HEMK2: variants seen among roughly 807,000 people sequenced by gnomAD.
The protein encoded by HEMK2 is methyltransferase HEMK2.
chr21:28,738,050 A>G, the HEMK2 span, among the ~76,000 whole-genome samples: 34,656 of 152,006 alleles, frequency 0.23, 4,549 homozygotes, highest in African/African-American at 0.35. Flanking sequence ...TTCTTCCAAC[A>G]ACAGTTAGAT....
chr21:28,808,022 C>T, the HEMK2 span, among the ~76,000 whole-genome samples: 3 of 151,994 alleles, frequency 2.0e-5, no homozygotes, highest in South Asian at 6.2e-4. Context: ...TTGAGAGAAA[C>T]AGAGAGCTAG....
chr21:28,632,818 T>C, the HEMK2 span, among the ~76,000 whole-genome samples: 1 of 152,210 alleles, frequency 6.6e-6, no homozygotes, highest in African/African-American at 2.4e-5. Context: ...AAGTGATTTC[T>C]TGGCAGCAAA....
chr21:28,711,631 T>C, the HEMK2 span, among the ~76,000 whole-genome samples: 10 of 152,182 alleles, frequency 6.6e-5, no homozygotes, highest in Non-Finnish European at 1.2e-4. Context: ...AGTCTGTCTG[T>C]GATATAAACT....
chr21:28,788,414 T>A, the HEMK2 span, among the ~76,000 whole-genome samples: 1 of 151,838 alleles, frequency 6.6e-6, no homozygotes, highest in Non-Finnish European at 1.5e-5. Flanking sequence ...CTAAGTGAAG[T>A]AACTCAGGAA....
the HEMK2 span, among the ~76,000 whole-genome samples, chr21:28,826,899 T>C: frequency 6.6e-6 from 1 of 152,184 alleles, no homozygotes; most frequent in Non-Finnish European, 1.5e-5. Flanking sequence ...GCAAGTACCC[T>C]ATGTCCTTCT....
the HEMK2 span, among the ~76,000 whole-genome samples, chr21:28,764,306 G>A: frequency 2.0e-5 from 3 of 152,174 alleles, no homozygotes; most frequent in African/African-American, 7.2e-5. Context: ...TATTTGCTAT[G>A]TGGAAAAGAG....
At chr21:28,756,884 A>T in the HEMK2 span, among the ~76,000 whole-genome samples, 2 of 152,340 alleles carry the variant, frequency 1.3e-5, no homozygotes, top group African/African-American at 4.8e-5. Context: ...TTTCTCAAGA[A>T]GGGTGTCTAA....
At chr21:28,603,309 T>C in the HEMK2 span, among the ~76,000 whole-genome samples, 159 of 152,304 alleles carry the variant, frequency 1.0e-3, no homozygotes, top group South Asian at 2.7e-3. Context: ...ACCCTCTTAG[T>C]CTCATTTTCA....
the HEMK2 span, among the ~76,000 whole-genome samples, chr21:28,816,798 C>T: frequency 3.3e-5 from 5 of 152,162 alleles, no homozygotes; most frequent in African/African-American, 9.7e-5. Context: ...GAAGAAAGCA[C>T]GAAGGAAGAG....
At chr21:28,774,948 C>T in the HEMK2 span, among the ~76,000 whole-genome samples, 1 of 151,986 alleles carries the variant, frequency 6.6e-6, no homozygotes, top group South Asian at 2.1e-4. Flanking sequence ...ATGAGGAAAA[C>T]CTGGCAGAAA....
At chr21:28,750,506 C>G in the HEMK2 span, among the ~76,000 whole-genome samples, 1 of 151,914 alleles carries the variant, frequency 6.6e-6, no homozygotes, top group African/African-American at 2.4e-5. Flanking sequence ...CGAGAACAGC[C>G]TGGCCAACAT....
At chr21:28,623,032 T>C in the HEMK2 span, among the ~76,000 whole-genome samples, 2 of 152,034 alleles carry the variant, frequency 1.3e-5, no homozygotes, top group African/African-American at 4.8e-5. Flanking sequence ...GAAACTATCA[T>C]CAGAGTGAAG....
chr21:28,599,305 G>A, the HEMK2 span, among the ~76,000 whole-genome samples: 1 of 152,210 alleles, frequency 6.6e-6, no homozygotes, highest in Non-Finnish European at 1.5e-5. Context: ...TGGATTCACA[G>A]TTCCATATGG....
the HEMK2 span, among the ~76,000 whole-genome samples, chr21:28,755,656 C>T: frequency 1.2e-4 from 19 of 152,184 alleles, no homozygotes; most frequent in Admixed American, 5.2e-4. Flanking sequence ...CAAGTTATGA[C>T]ACTACCAGAT....
the HEMK2 span, among the ~76,000 whole-genome samples, chr21:28,831,523 G>T: frequency 1.9e-5 from 1 of 51,740 alleles, no homozygotes; most frequent in African/African-American, 1.2e-4. Flanking sequence ...AAGAAAGAAA[G>T]AAGGAAAGAA....
chr21:28,758,877 A>T, the HEMK2 span, among the ~76,000 whole-genome samples: 1 of 152,200 alleles, frequency 6.6e-6, no homozygotes, highest in Non-Finnish European at 1.5e-5. Context: ...CCAGCAATTC[A>T]TTCCAAGTTA....
the HEMK2 span, among the ~76,000 whole-genome samples, chr21:28,850,217 C>CTTTTTTTTTTT: frequency 1.1e-5 from 1 of 94,430 alleles, no homozygotes; most frequent in Non-Finnish European, 1.9e-5. Context: ...ATTCAGCATT[C>CTTTTTTTTTTT]TTTTTTTTTT....
At chr21:28,882,931 A>C in the HEMK2 span, 13 of 1,189,998 alleles carry the variant, frequency 1.1e-5, no homozygotes, top group African/African-American at 1.5e-5. Context: ...ATTTCATTAG[A>C]GTTATCATAG....
chr21:28,774,168 A>T, the HEMK2 span, among the ~76,000 whole-genome samples: 2 of 152,078 alleles, frequency 1.3e-5, no homozygotes, highest in Admixed American at 1.3e-4. Context: ...TCTAAGATAC[A>T]CTCCAAATCT....
Sources: gnomAD v4.1 joint callset for allele counts (sites outside exome capture counted in the v4.1 genomes callset) on GRCh38, gnomAD v4.1.1 for gene constraint, MANE v1.5 for transcripts, NCBI Gene and HGNC (gene_info 2026-07-23, HGNC 2026-07-21) for gene names.